Variants in SLC35F4 observed in about 807,000 individuals in gnomAD.
The protein encoded by SLC35F4 is chromosome 14 open reading frame 36.
A neutral mutation model predicts 44.2 loss-of-function variants in SLC35F4; 24 were observed. The observed-to-expected ratio is 0.54, with a 90% CI of 0.39 to 0.76. SLC35F4 has a LOEUF of 0.76. Ranked by LOEUF, SLC35F4 falls within the 30% of genes least tolerant of loss-of-function variation. The probability of loss-of-function intolerance (pLI) is 0.00; values close to 1 mark genes in which losing one functional copy is unlikely to be tolerated. For missense variants in SLC35F4, 562 were observed against 586.1 expected, an observed-to-expected ratio of 0.96 and a Z score of 0.42; for synonymous variants, 238 against 223.6, an observed-to-expected ratio of 1.06 and a Z score of -0.57.
intron 1 of SLC35F4, among the ~76,000 whole-genome samples, chr14:57,652,630 C>A (rs928724735): frequency 6.6e-6 from 1 of 151,502 alleles, no homozygotes; most frequent in Non-Finnish European, 1.5e-5. Context: ...AGGATAGTAA[C>A]CCCCACACAA....
At position 57,706,681 on chromosome 14, in the gene SLC35F4, G is replaced by C. The variant is rs187990656; in HGVS notation, c.104-112557C>G. On this transcript the variant is annotated intron_variant, in intron 1 of 7. Transcript: ENST00000556826. Reference sequence around the variant, plus strand: ...GGCATTTGGCCACATGAGTGGAGAAGGTGGAGTGGGCGAAAGAAAGCTGGA... The same window carrying C: ...GGCATTTGGCCACATGAGTGGAGAACGTGGAGTGGGCGAAAGAAAGCTGGA... 3.3e-4 allele frequency among the ~76,000 whole-genome samples: 51 copies of C among 152,280 alleles called. 1 individual carries two copies. In the East Asian group the frequency reaches 8.9e-3, roughly 27 times the overall value.
At chr14:57,708,740 C>T (rs972674032) in intron 1 of SLC35F4, among the ~76,000 whole-genome samples, 1 of 152,106 alleles carries the variant, frequency 6.6e-6, no homozygotes, top group Non-Finnish European at 1.5e-5. Flanking sequence ...CACCAAGACA[C>T]GGAGACCAGT....
At chr14:57,967,482 CAGTCTTCTACAACTTA>C (rs1486088285) in intron 1 of SLC35F4, among the ~76,000 whole-genome samples, 1 of 152,204 alleles carries the variant, frequency 6.6e-6, no homozygotes, top group African/African-American at 2.4e-5. Flanking sequence ...ATACTGTACA[CAGTCTTCTACAACTTA>C]ACTTTTTTCT....
intron 1 of SLC35F4, among the ~76,000 whole-genome samples, chr14:57,956,019 C>T (rs1425720847): frequency 6.6e-6 from 1 of 152,148 alleles, no homozygotes; most frequent in African/African-American, 2.4e-5. Flanking sequence ...CTGGAGGCAT[C>T]ACACTACCTG....
intron 1 of SLC35F4, among the ~76,000 whole-genome samples, chr14:57,970,400 G>A (rs924977266): frequency 2.4e-4 from 37 of 152,300 alleles, no homozygotes; most frequent in African/African-American, 8.7e-4. Flanking sequence ...GAGACAGGAT[G>A]TGGCCAGATT....
At chr14:57,616,816 G>A (rs1395739873) in intron 1 of SLC35F4, among the ~76,000 whole-genome samples, 1 of 152,006 alleles carries the variant, frequency 6.6e-6, no homozygotes, top group Non-Finnish European at 1.5e-5. Flanking sequence ...TAAGGACTAA[G>A]TTCCCCTTTG....
intron 1 of SLC35F4, among the ~76,000 whole-genome samples, chr14:57,686,323 T>C (rs2075067103): frequency 6.6e-6 from 1 of 152,196 alleles, no homozygotes; most frequent in Non-Finnish European, 1.5e-5. Flanking sequence ...AAGCTATTTA[T>C]ACTACTCAAG....
In SLC35F4 at chr14:57,866,051, G is replaced by A; in HGVS notation, c.-226C>T. On this transcript the variant is annotated 5_prime_UTR_variant, in exon 1 of 8. Transcript: ENST00000556826. ...CTCGGGCCGGCCTCTCCGTCAGCCTGGCAGCTCTCCCGCGCGCCACCCGGA... is the reference window on the plus strand; with the variant it reads ...CTCGGGCCGGCCTCTCCGTCAGCCTAGCAGCTCTCCCGCGCGCCACCCGGA... 3.4e-6 allele frequency: 1 copy of A among 296,326 alleles called. No individual in the cohort carries two copies. The highest frequency in any genetic ancestry group is 6.1e-6 in the Non-Finnish European group (1 of 165,276). The allele number at this position is 296,326 out of a possible 1,614,324, so 18.4% of individuals were successfully genotyped here. A position where few individuals can be genotyped will look rare whatever the true frequency, so the allele number is the denominator to read the frequency against.
intron 1 of SLC35F4, among the ~76,000 whole-genome samples, chr14:57,931,193 A>G (rs1391837002): frequency 2.0e-5 from 3 of 152,198 alleles, no homozygotes; most frequent in Non-Finnish European, 4.4e-5. Flanking sequence ...TCCCAGTCCA[A>G]TGCCACTTCT....
intron 1 of SLC35F4, among the ~76,000 whole-genome samples, chr14:57,776,801 AG>A (rs1226435137): frequency 6.6e-6 from 1 of 152,186 alleles, no homozygotes; most frequent in African/African-American, 2.4e-5. Context: ...CCTATATTCA[AG>A]ATTCTTAAAG....
chr14:57,822,079 C>A (rs899241070), intron 1 of SLC35F4, among the ~76,000 whole-genome samples: 1 of 152,204 alleles, frequency 6.6e-6, no homozygotes, highest in Non-Finnish European at 1.5e-5. Flanking sequence ...GCAAGCAAAA[C>A]CTCAGTCTGT....
intron 1 of SLC35F4, among the ~76,000 whole-genome samples, chr14:57,753,442 T>C (rs748081154): frequency 2.0e-5 from 3 of 152,150 alleles, no homozygotes; most frequent in Non-Finnish European, 4.4e-5. Flanking sequence ...GGCACTCTTC[T>C]GTATCCTCTG....
At chr14:57,886,434 G>T (rs987953816) in intron 1 of SLC35F4, among the ~76,000 whole-genome samples, 1 of 152,114 alleles carries the variant, frequency 6.6e-6, no homozygotes, top group Non-Finnish European at 1.5e-5. Context: ...TCCTAAAAAA[G>T]ATCTGTCTCT....
intron 1 of SLC35F4, among the ~76,000 whole-genome samples, chr14:57,768,085 C>A (rs1488567264): frequency 6.6e-6 from 1 of 152,026 alleles, no homozygotes; most frequent in Admixed American, 6.6e-5. Context: ...ACCAATTTTC[C>A]ATAATCTCTT....
intron 1 of SLC35F4, among the ~76,000 whole-genome samples, chr14:57,827,594 A>G (rs1352707366): frequency 2.0e-5 from 3 of 152,088 alleles, no homozygotes; most frequent in African/African-American, 7.2e-5. Flanking sequence ...TTTCTCCAAT[A>G]CCTATAAAGA....
chr14:57,794,053 T>A (rs1384192768), intron 1 of SLC35F4, among the ~76,000 whole-genome samples: 7 of 152,064 alleles, frequency 4.6e-5, no homozygotes, highest in Non-Finnish European at 8.8e-5. Flanking sequence ...ATATAAAAAA[T>A]TAGCTTGAGA....
At chr14:57,784,014 T>C (rs768640308) in intron 1 of SLC35F4, among the ~76,000 whole-genome samples, 2 of 152,208 alleles carry the variant, frequency 1.3e-5, no homozygotes, top group African/African-American at 2.4e-5. Flanking sequence ...AAAAACTGTC[T>C]GATGTTTTGT....
chr14:57,756,596 G>A (rs990678602), intron 1 of SLC35F4, among the ~76,000 whole-genome samples: 1 of 151,804 alleles, frequency 6.6e-6, no homozygotes, highest in African/African-American at 2.4e-5. Context: ...ATTAGGTCAA[G>A]TTTGTTGATA....
intron 1 of SLC35F4, among the ~76,000 whole-genome samples, chr14:57,971,638 GAA>G (rs961562101): frequency 4.6e-5 from 7 of 152,086 alleles, no homozygotes; most frequent in Admixed American, 3.9e-4. Flanking sequence ...TCTAGACACA[GAA>G]AAATAAACAC....
Sources: gnomAD v4.1 joint callset for allele counts (sites outside exome capture counted in the v4.1 genomes callset) on GRCh38, gnomAD v4.1.1 for gene constraint, MANE v1.5 for transcripts, NCBI Gene and HGNC (gene_info 2026-07-23, HGNC 2026-07-21) for gene names.